TCF20: variants seen among roughly 807,000 people sequenced by gnomAD.
TCF20 encodes transcription factor 20.
Under a neutral mutation model 148.6 loss-of-function variants are expected in TCF20, and 3 were observed. The observed-to-expected ratio is 0.02, with a 90% CI of 0.01 to 0.05. The LOEUF is 0.05. Ranked by LOEUF, TCF20 falls within the 10% of genes least tolerant of loss-of-function variation. TCF20 has a pLI of 1.00. For missense variants in TCF20, 2,350 were observed against 2,429.3 expected (o/e 0.97, Z 0.69); for synonymous variants, 1,049 against 909.5 (o/e 1.15, Z -2.76).
chr22:42,341,495 C>G (rs1928167743), intron 1 of TCF20, among the ~76,000 whole-genome samples: 1 of 152,030 alleles, frequency 6.6e-6, no homozygotes, highest in South Asian at 2.1e-4. Context: ...GGACCTGGGC[C>G]CCTGAACTCA....
chr22:42,230,653 C>A (rs1022607122), intron 1 of TCF20, among the ~76,000 whole-genome samples: 174 of 143,092 alleles, frequency 1.2e-3, no homozygotes, highest in Admixed American at 2.7e-3. Flanking sequence ...AAAAAAAAAA[C>A]CAAAGCAAAC....
chr22:42,282,510 T>C (rs571658862), intron 1 of TCF20, among the ~76,000 whole-genome samples: 8 of 152,170 alleles, frequency 5.3e-5, no homozygotes, highest in Non-Finnish European at 1.2e-4. Flanking sequence ...GCCAGCACTG[T>C]AGCCGGGGGA....
chr22:42,193,410 C>T (rs973027404), intron 2 of TCF20, among the ~76,000 whole-genome samples: 1 of 151,440 alleles, frequency 6.6e-6, no homozygotes, highest in Admixed American at 6.6e-5. Context: ...GAGCTCACTG[C>T]AACCTCAAAT....
At chr22:42,341,343 A>T (rs745791610) in intron 1 of TCF20, among the ~76,000 whole-genome samples, 3 of 152,166 alleles carry the variant, frequency 2.0e-5, no homozygotes, top group Non-Finnish European at 4.4e-5. Context: ...AGAGGGCCTG[A>T]CATAACTCTC....
intron 2 of TCF20, among the ~76,000 whole-genome samples, chr22:42,204,087 A>C (rs1479127760): frequency 6.6e-6 from 1 of 152,216 alleles, no homozygotes; most frequent in Non-Finnish European, 1.5e-5. Flanking sequence ...AATCTATTTT[A>C]TATTTTCCAA....
intron 5 of TCF20, among the ~76,000 whole-genome samples, chr22:42,165,099 C>A (rs1436136605): frequency 6.6e-6 from 1 of 152,200 alleles, no homozygotes; most frequent in Non-Finnish European, 1.5e-5. Flanking sequence ...AGCCACAATG[C>A]CTGGGCTGGG....
intron 2 of TCF20, among the ~76,000 whole-genome samples, chr22:42,200,719 C>T (rs1601573176): frequency 1.3e-5 from 2 of 152,008 alleles, no homozygotes; most frequent in East Asian, 3.8e-4. Context: ...CTTCTGACTC[C>T]CGTTTCTACC....
In TCF20 at chr22:42,300,832, C is replaced by T. The variant is rs546164148; in HGVS notation, c.-37+42647G>A. On this transcript the variant is annotated intron_variant, in intron 1 of 1. Coordinates refer to the TCF20 transcript ENST00000515426. ...CTATCCACTCCTGACATTCCCTCCT[C>T]CCCCTGCCAAGACCTGGGCAGCTTC... is the stretch of plus-strand genomic sequence containing the variant. 4.6e-5 allele frequency among the ~76,000 whole-genome samples: 7 copies of T among 152,258 alleles called. No homozygotes were observed. The South Asian group carries it at 8.3e-4, about 18-fold the overall frequency.
At chr22:42,324,389 A>G (rs1456776149) in intron 1 of TCF20, among the ~76,000 whole-genome samples, 1 of 152,094 alleles carries the variant, frequency 6.6e-6, no homozygotes, top group African/African-American at 2.4e-5. Flanking sequence ...GGAGACAAAC[A>G]GAAGTAGTGA....
intron 1 of TCF20, among the ~76,000 whole-genome samples, chr22:42,235,516 A>G (rs193256231): frequency 7.9e-5 from 12 of 152,362 alleles, no homozygotes; most frequent in African/African-American, 2.6e-4. Context: ...ACATGTTTAG[A>G]AAATCATCTA....
rs1011544281 is a variant in TCF20 at position 42,168,629 on chromosome 22, A to G, written c.*24T>C. The G allele has an allele frequency of 1.1e-5, 18 of 1,587,354 alleles. No individual in the cohort carries two copies. The African/African-American group carries it at 2.3e-4, about 20-fold the overall frequency. ...CTCACCTGTGCTTGCTGTCCTTTCC[A>G]TTCCCACGAGCACACTGCCCCCCTC... On this transcript the variant is annotated 3_prime_UTR_variant, in exon 5 of 6. Coordinates refer to ENST00000677622, the MANE Select transcript of TCF20 (RefSeq NM_001378418.1).
At chr22:42,325,793 C>T (rs138377580) in intron 1 of TCF20, among the ~76,000 whole-genome samples, 21 of 152,268 alleles carry the variant, frequency 1.4e-4, no homozygotes, top group African/African-American at 4.8e-4. Context: ...TTTCCGAGCC[C>T]CAATTCTGCA....
intron 2 of TCF20, among the ~76,000 whole-genome samples, chr22:42,184,022 G>A (rs1254088931): frequency 6.6e-6 from 1 of 152,136 alleles, no homozygotes; most frequent in Non-Finnish European, 1.5e-5. Context: ...GCCCACCTCA[G>A]CCTCTCAAAG....
At chr22:42,296,219 C>T (rs1312401255) in intron 1 of TCF20, among the ~76,000 whole-genome samples, 1 of 152,200 alleles carries the variant, frequency 6.6e-6, no homozygotes, top group African/African-American at 2.4e-5. Flanking sequence ...CTGGCCTCCC[C>T]GAGCCAGGCC....
intron 1 of TCF20, among the ~76,000 whole-genome samples, chr22:42,318,574 G>A (rs1927676685): frequency 6.6e-6 from 1 of 152,100 alleles, no homozygotes; most frequent in Admixed American, 6.5e-5. Flanking sequence ...AGCAGGCCCG[G>A]GCCAGGCAGG....
chr22:42,232,412 AC>A (rs1923501240), intron 1 of TCF20, among the ~76,000 whole-genome samples: 1 of 152,166 alleles, frequency 6.6e-6, no homozygotes, highest in African/African-American at 2.4e-5. Context: ...CAAAAAAAAA[AC>A]AACGTACCAC....
chr22:42,305,170 C>T (rs1601700344), intron 1 of TCF20, among the ~76,000 whole-genome samples: 2 of 152,098 alleles, frequency 1.3e-5, no homozygotes, highest in East Asian at 3.8e-4. Context: ...AAATGTCAGA[C>T]CCACGCTCCA....
At chr22:42,256,647 G>C (rs1925761755) in intron 1 of TCF20, among the ~76,000 whole-genome samples, 1 of 151,354 alleles carries the variant, frequency 6.6e-6, no homozygotes, top group Non-Finnish European at 1.5e-5. Flanking sequence ...ACATCTACTA[G>C]AAAAACAAAA....
intron 5 of TCF20, among the ~76,000 whole-genome samples, chr22:42,166,971 G>A (rs537947804): frequency 2.0e-5 from 3 of 152,286 alleles, no homozygotes; most frequent in South Asian, 2.1e-4. Context: ...TCAAAACCAC[G>A]CAATGCAATG....
Sources: gnomAD v4.1 joint callset for allele counts (sites outside exome capture counted in the v4.1 genomes callset) on GRCh38, gnomAD v4.1.1 for gene constraint, MANE v1.5 for transcripts, NCBI Gene and HGNC (gene_info 2026-07-23, HGNC 2026-07-21) for gene names.